Variants in RARB observed in about 807,000 individuals in gnomAD.
The protein encoded by RARB is HBV-activated protein.
RARB carries 17 observed loss-of-function variants against 51.9 expected under a neutral mutation model. The observed-to-expected ratio is 0.33, with a 90% CI of 0.22 to 0.49. The LOEUF is 0.49. Among genes scored for constraint, RARB ranks in the 20% least tolerant of loss-of-function variants. The probability of loss-of-function intolerance (pLI) is 0.99; values close to 1 mark genes in which losing one functional copy is unlikely to be tolerated. For missense variants in RARB, 369 were observed against 550.8 expected (o/e 0.67, Z 3.30); for synonymous variants, 215 against 195.4 (o/e 1.10, Z -0.84).
chr3:25,396,408 A>G (rs1442002842), intron 5 of RARB, among the ~76,000 whole-genome samples: 1 of 152,168 alleles, frequency 6.6e-6, no homozygotes, highest in Non-Finnish European at 1.5e-5. Flanking sequence ...AGTGGAATCA[A>G]CTGTTGTTTT....
At chr3:25,322,983 T>C (rs565937041) in intron 5 of RARB, among the ~76,000 whole-genome samples, 1 of 152,306 alleles carries the variant, frequency 6.6e-6, no homozygotes, top group South Asian at 2.1e-4. Context: ...GTCCAGTTTG[T>C]CTAGGCTTCA....
intron 5 of RARB, among the ~76,000 whole-genome samples, chr3:25,254,580 G>T (rs184863509): frequency 1.3e-5 from 2 of 151,120 alleles, no homozygotes; most frequent in African/African-American, 4.9e-5. Flanking sequence ...TTTCCTTAAC[G>T]GTATCACTTA....
intron 5 of RARB, among the ~76,000 whole-genome samples, chr3:25,371,912 G>A (rs750532623): frequency 7.2e-5 from 11 of 152,178 alleles, no homozygotes; most frequent in African/African-American, 2.7e-4. Context: ...AGTGGTCAGG[G>A]AAGGCCCCAC....
At chr3:25,455,177 G>A (rs1309795475) in intron 1 of RARB, among the ~76,000 whole-genome samples, 2 of 152,190 alleles carry the variant, frequency 1.3e-5, no homozygotes, top group Non-Finnish European at 2.9e-5. Context: ...CAAAACTTTT[G>A]GAGCAATTTG....
chr3:24,983,014 T>C (rs1696710537), intron 2 of RARB, among the ~76,000 whole-genome samples: 1 of 152,350 alleles, frequency 6.6e-6, no homozygotes, highest in East Asian at 1.9e-4. Context: ...ATATTAAATA[T>C]ATATTGACTT....
intron 2 of RARB, among the ~76,000 whole-genome samples, chr3:24,915,923 G>C (rs907711986): frequency 6.6e-6 from 1 of 152,138 alleles, no homozygotes; most frequent in African/African-American, 2.4e-5. Context: ...TCAAGGGAGA[G>C]GCTGCAGAAA....
intron 5 of RARB, among the ~76,000 whole-genome samples, chr3:25,190,480 C>T (rs1027594262): frequency 6.6e-6 from 1 of 152,062 alleles, no homozygotes; most frequent in African/African-American, 2.4e-5. Flanking sequence ...TTATAGAGCA[C>T]TCCAGGAGAT....
At chr3:25,055,976 T>C (rs1384459903) in intron 2 of RARB, among the ~76,000 whole-genome samples, 1 of 152,084 alleles carries the variant, frequency 6.6e-6, no homozygotes, top group Non-Finnish European at 1.5e-5. Flanking sequence ...TACTCCATGA[T>C]TATCGTTAAA....
intron 2 of RARB, among the ~76,000 whole-genome samples, chr3:25,037,291 A>G (rs1698017778): frequency 6.6e-6 from 1 of 151,906 alleles, no homozygotes. Context: ...GCCATGGCGA[A>G]TAAAGTTTCA....
intron 2 of RARB, among the ~76,000 whole-genome samples, chr3:24,908,328 C>T (rs1471120007): frequency 1.3e-5 from 2 of 151,974 alleles, no homozygotes; most frequent in African/African-American, 4.8e-5. Flanking sequence ...TTTGCAAATG[C>T]CTATTTTTTA....
chr3:25,122,099 C>T lies in RARB; in HGVS notation c.-327-10062C>T, dbSNP rs114408266. Among the ~76,000 whole-genome samples, 383 of 152,252 alleles carry T rather than the reference C, an allele frequency of 2.5e-3. 1 individual carries two copies. The highest frequency in any genetic ancestry group is 8.7e-3 in the African/African-American group (360 of 41,562). ...ATTGTTCCAACACAGAAACCCACAA[C>T]GCAAATAAGATCAGTTTCAATGCCA... On this transcript the variant is annotated intron_variant, in intron 3 of 11. Coordinates refer to the RARB transcript ENST00000383772.
At chr3:25,341,313 A>G (rs1705219858) in intron 5 of RARB, among the ~76,000 whole-genome samples, 1 of 152,194 alleles carries the variant, frequency 6.6e-6, no homozygotes, top group African/African-American at 2.4e-5. Flanking sequence ...TAAGATCACC[A>G]AGGACATCTT....
intron 2 of RARB, among the ~76,000 whole-genome samples, chr3:25,042,142 T>TA (rs1446692625): frequency 2.6e-5 from 4 of 152,204 alleles, no homozygotes; most frequent in African/African-American, 9.7e-5. Flanking sequence ...TATCAGACCT[T>TA]ACCATTTTTC....
chr3:25,135,716 A>T (rs1002473347), intron 4 of RARB, among the ~76,000 whole-genome samples: 6 of 152,012 alleles, frequency 3.9e-5, no homozygotes, highest in Admixed American at 1.3e-4. Context: ...GCATTAAGTC[A>T]TATTTTTTAG....
chr3:24,968,501 T>A (rs1304162761), intron 2 of RARB, among the ~76,000 whole-genome samples: 1 of 152,158 alleles, frequency 6.6e-6, no homozygotes, highest in Non-Finnish European at 1.5e-5. Flanking sequence ...TGGACAGTTC[T>A]GGGCTGGGAT....
intron 3 of RARB, among the ~76,000 whole-genome samples, chr3:25,103,580 G>A (rs954508582): frequency 9.2e-5 from 14 of 152,180 alleles, no homozygotes; most frequent in African/African-American, 3.1e-4. Context: ...GCCCCCAGGC[G>A]ACAACAGAAG....
chr3:24,962,813 A>G (rs1364834233), intron 2 of RARB, among the ~76,000 whole-genome samples: 2 of 152,320 alleles, frequency 1.3e-5, no homozygotes, highest in South Asian at 2.1e-4. Context: ...AATGAGTACT[A>G]TCATGTGTCA....
intron 5 of RARB, among the ~76,000 whole-genome samples, chr3:25,288,429 G>A (rs1703707426): frequency 6.6e-6 from 1 of 152,134 alleles, no homozygotes; most frequent in Non-Finnish European, 1.5e-5. Flanking sequence ...TGAAGCAAAG[G>A]GGACACAGTC....
At chr3:25,458,098 A>G (rs1453354948) in intron 1 of RARB, among the ~76,000 whole-genome samples, 2 of 152,242 alleles carry the variant, frequency 1.3e-5, no homozygotes, top group African/African-American at 4.8e-5. Flanking sequence ...CATGCATTAA[A>G]AACAAAATAT....
Sources: allele counts gnomAD v4.1 joint callset (sites outside exome capture counted in the v4.1 genomes callset), GRCh38; gene constraint gnomAD v4.1.1; transcripts MANE v1.5; gene names NCBI Gene and HGNC (gene_info 2026-07-23, HGNC 2026-07-21).